The following TSHZ1 variants were observed in gnomAD, a reference collection of about 807,000 sequenced individuals.
TSHZ1 encodes the protein teashirt zinc finger homeobox 1.
TSHZ1 carries 12 observed loss-of-function variants against 67.1 expected under a neutral mutation model. That is an observed-to-expected ratio of 0.18 (90% CI 0.11 to 0.29). The LOEUF (loss-of-function observed/expected upper bound fraction) is 0.29, where lower values mean the gene tolerates loss of function less well. Ranked by LOEUF, TSHZ1 falls within the 10% of genes least tolerant of loss-of-function variation. The probability of loss-of-function intolerance (pLI) is 1.00; values close to 1 mark genes in which losing one functional copy is unlikely to be tolerated. For synonymous variants in TSHZ1, 632 were observed against 622.4 expected, an observed-to-expected ratio of 1.02 and a Z score of -0.23; for missense variants, 1,305 against 1,413.9, an observed-to-expected ratio of 0.92 and a Z score of 1.23.
intron 1 of TSHZ1, among the ~76,000 whole-genome samples, chr18:75,232,653 A>G (rs1286804317): frequency 2.0e-5 from 3 of 152,212 alleles, no homozygotes; most frequent in African/African-American, 7.2e-5. Context: ...GACTCCAGGT[A>G]AACCCTGAAG....
chr18:75,250,403 C>G (rs58128442), intron 1 of TSHZ1, among the ~76,000 whole-genome samples: 2,403 of 152,312 alleles, frequency 0.016, 68 homozygotes, highest in African/African-American at 0.054. Context: ...TGTGGGCTCT[C>G]CCTTCCGTCC....
intron 1 of TSHZ1, among the ~76,000 whole-genome samples, chr18:75,279,002 C>T (rs561305994): frequency 5.9e-5 from 9 of 152,244 alleles, no homozygotes; most frequent in East Asian, 1.9e-4. Context: ...TCCCAAAGAC[C>T]GTTCCCTTCC....
chr18:75,281,239 C>T lies in TSHZ1; in HGVS notation c.41-4209C>T, dbSNP rs138221891. Among the ~76,000 whole-genome samples, 178 of 152,274 alleles carry T rather than the reference C, an allele frequency of 1.2e-3. No individual in the cohort carries two copies. The highest frequency in any genetic ancestry group is 4.0e-3 in the African/African-American group (167 of 41,560). On this transcript the variant is annotated intron_variant, in intron 1 of 1. Transcript: ENST00000580243. The surrounding 1 kb of genome is among the most constrained non-coding windows in gnomAD (Gnocchi z 5.3). ...TCAGTGCGGGGGGCCAGTTTGGATG[C>T]GGGGCCTGAGGACCAGGAGGCTTTG...
intron 1 of TSHZ1, among the ~76,000 whole-genome samples, chr18:75,219,938 C>T (rs2022824403): frequency 6.6e-6 from 1 of 152,158 alleles, no homozygotes; most frequent in Admixed American, 6.5e-5. Flanking sequence ...CATATGTGAC[C>T]AAGCCCGGGG....
At chr18:75,266,072 C>T (rs1054331121) in intron 1 of TSHZ1, among the ~76,000 whole-genome samples, 2 of 152,156 alleles carry the variant, frequency 1.3e-5, no homozygotes, top group African/African-American at 2.4e-5. Flanking sequence ...GAGCCTAGAC[C>T]GCAGAGGTCC....
chr18:75,217,308 A>G (rs1285243642), intron 1 of TSHZ1, among the ~76,000 whole-genome samples: 2 of 152,270 alleles, frequency 1.3e-5, no homozygotes, highest in African/African-American at 4.8e-5. Flanking sequence ...TTAGGAAGAC[A>G]ACAACTTGAC....
At chr18:75,239,916 G>A (rs932968621) in intron 1 of TSHZ1, among the ~76,000 whole-genome samples, 2 of 152,204 alleles carry the variant, frequency 1.3e-5, no homozygotes, top group Admixed American at 1.3e-4. Flanking sequence ...AGCCCAGCAT[G>A]CTTCCACCAT....
In TSHZ1 at chr18:75,286,116, G is replaced by A. The variant is rs1459094333; in HGVS notation, c.709G>A (p.Gly237Ser). ...QLYRQNNKLY[G>S]SVFTGASKFR... Reference sequence around the variant, plus strand: ...CTACCGCCAGAACAACAAGCTCTACGGCTCCGTCTTCACGGGCGCCAGCAA... The same window carrying A: ...CTACCGCCAGAACAACAAGCTCTACAGCTCCGTCTTCACGGGCGCCAGCAA... The change falls in exon 2 of 2, where the codon GGC becomes AGC. Residue 237 changes from glycine to serine, a missense_variant. Physicochemically the swap from Gly to Ser is moderately conservative, Grantham distance 56. This residue lies in a region of TSHZ1 where 358 missense variants were observed against 375.6 expected (regional missense o/e 0.95). Coordinates refer to ENST00000580243, the MANE Select transcript of TSHZ1 (RefSeq NM_001308210.2). This position sits in a 1 kb window ranked among gnomAD's most constrained non-coding sequence, Gnocchi z 5.1. 2 of 1,612,840 alleles carry A rather than the reference G, an allele frequency of 1.2e-6. No homozygotes were observed. The highest frequency in any genetic ancestry group is 1.7e-5 in the Admixed American group (1 of 59,980).
Position 75,211,764 on chromosome 18 carries a change from A to C in TSHZ1, c.-113A>C. The stretch of plus-strand genomic sequence containing the variant: ...CGCCCGGAGCCCGGAGCCCGCGGGG[A>C]CGAGGCCAAAGTTGGGCGCGCCGCG... On this transcript the variant is annotated 5_prime_UTR_variant, in exon 1 of 2. Coordinates refer to ENST00000580243, the MANE Select transcript of TSHZ1 (RefSeq NM_001308210.2). 1 of 585,642 alleles carries C rather than the reference A, an allele frequency of 1.7e-6. No individual in the cohort carries two copies. Among genetic ancestry groups the C allele is most frequent in the Non-Finnish European group, 2.1e-6 (1 of 466,112 alleles). The allele number at this position is 585,642 out of a possible 1,614,324, so 36.3% of individuals were successfully genotyped here.
chr18:75,215,962 C>T (rs2022761284), intron 1 of TSHZ1, among the ~76,000 whole-genome samples: 2 of 146,030 alleles, frequency 1.4e-5, no homozygotes, highest in Admixed American at 1.4e-4. Context: ...GTATGTGTGT[C>T]TGTGTGTTTG....
In TSHZ1 at chr18:75,286,013, T is replaced by C; in HGVS notation, c.606T>C (p.Ala202=). ...SSSSGYDWHQ[A]ALAKTLQQTS... is the part of the protein sequence containing the mutation. ...GCTCCGGGTACGACTGGCACCAGGC[T>C]GCACTGGCCAAGACGCTGCAGCAGA... The change falls in exon 2 of 2, where the codon GCT becomes GCC. Residue 202 remains alanine (A), a synonymous_variant. Transcript: ENST00000580243. This position sits in a 1 kb window ranked among gnomAD's most constrained non-coding sequence, Gnocchi z 5.1. 1 of 1,610,314 alleles carries C rather than the reference T, an allele frequency of 6.2e-7. No homozygotes were observed. Among genetic ancestry groups the C allele is most frequent in the South Asian group, 1.1e-5 (1 of 90,442 alleles).
chr18:75,242,590 C>G (rs888451613), intron 1 of TSHZ1, among the ~76,000 whole-genome samples: 50 of 152,184 alleles, frequency 3.3e-4, no homozygotes, highest in African/African-American at 1.1e-3. Flanking sequence ...TTGGTTTGGG[C>G]ATATTGATTT....
At chr18:75,224,844 T>A (rs1189881654) in intron 1 of TSHZ1, among the ~76,000 whole-genome samples, 1 of 152,172 alleles carries the variant, frequency 6.6e-6, no homozygotes, top group East Asian at 1.9e-4. Context: ...TTCTCAAGCC[T>A]CAGTTTCCTT....
intron 1 of TSHZ1, among the ~76,000 whole-genome samples, chr18:75,243,450 A>C (rs936619152): frequency 1.3e-5 from 2 of 152,020 alleles, no homozygotes; most frequent in African/African-American, 2.4e-5. Flanking sequence ...GATAGATGTT[A>C]CGGGGGCATT....
At chr18:75,212,568 T>G (rs1039772443) in intron 1 of TSHZ1, among the ~76,000 whole-genome samples, 1 of 152,230 alleles carries the variant, frequency 6.6e-6, no homozygotes, top group Non-Finnish European at 1.5e-5. Context: ...ATTGCCATCC[T>G]TGATTTGATG....
chr18:75,246,239 C>T (rs762165196), intron 1 of TSHZ1, among the ~76,000 whole-genome samples: 2 of 152,202 alleles, frequency 1.3e-5, no homozygotes, highest in Non-Finnish European at 2.9e-5. Context: ...ATGCACTGTT[C>T]AGGGCTTGTC....
At chr18:75,226,120 A>G (rs1375872635) in intron 1 of TSHZ1, among the ~76,000 whole-genome samples, 3 of 152,246 alleles carry the variant, frequency 2.0e-5, no homozygotes. Context: ...TAAACATTAT[A>G]TCAAATATAA....
chr18:75,256,866 G>A (rs564668932), intron 1 of TSHZ1, among the ~76,000 whole-genome samples: 46 of 152,328 alleles, frequency 3.0e-4, no homozygotes, highest in African/African-American at 7.9e-4. Context: ...GGATAGTTAG[G>A]TAGCTGGAGG....
intron 1 of TSHZ1, among the ~76,000 whole-genome samples, chr18:75,260,537 A>G (rs1413522994): frequency 2.0e-5 from 3 of 152,230 alleles, no homozygotes; most frequent in African/African-American, 7.2e-5. Context: ...GAACGAAGTC[A>G]TCTTTTCCTT....
Sources: gnomAD v4.1 joint callset for allele counts (sites outside exome capture counted in the v4.1 genomes callset) on GRCh38, gnomAD v4.1.1 for gene constraint, gnomAD v4.1.1 regional missense constraint, Gnocchi (gnomAD v3.1) non-coding constraint, MANE v1.5 for transcripts, NCBI Gene and HGNC (gene_info 2026-07-23, HGNC 2026-07-21) for gene names.